Variants in LINGO2 observed in about 807,000 individuals in gnomAD.
The protein encoded by LINGO2 is leucine-rich repeat and immunoglobulin-like domain-containing nogo receptor-interacting protein 2.
A neutral mutation model predicts 30.6 loss-of-function variants in LINGO2; 14 were observed. That is an observed-to-expected ratio of 0.46 (90% CI 0.30 to 0.72). The LOEUF (loss-of-function observed/expected upper bound fraction) is 0.72, where lower values mean the gene tolerates loss of function less well. Among genes scored for constraint, LINGO2 ranks in the 30% least tolerant of loss-of-function variants. The probability of loss-of-function intolerance (pLI) is 0.07; values close to 1 mark genes in which losing one functional copy is unlikely to be tolerated. For missense variants in LINGO2, 729 were observed against 751.7 expected (o/e 0.97, Z 0.35); for synonymous variants, 317 against 288.5 (o/e 1.10, Z -1.00).
intron 4 of LINGO2, among the ~76,000 whole-genome samples, chr9:28,185,632 T>C (rs971317473): frequency 1.3e-5 from 2 of 152,148 alleles, no homozygotes; most frequent in African/African-American, 2.4e-5. Context: ...GAAACACAAT[T>C]GTAGAAATAG....
At chr9:28,558,329 A>G (rs1370716227) in intron 1 of LINGO2, among the ~76,000 whole-genome samples, 1 of 151,902 alleles carries the variant, frequency 6.6e-6, no homozygotes, top group Non-Finnish European at 1.5e-5. Flanking sequence ...CTCGGATGAA[A>G]CTTGGCTGCC....
chr9:28,274,080 T>A (rs945609566), intron 4 of LINGO2, among the ~76,000 whole-genome samples: 1 of 151,844 alleles, frequency 6.6e-6, no homozygotes, highest in Non-Finnish European at 1.5e-5. Context: ...TAAAATGGAG[T>A]TATAATTAAT....
At chr9:28,729,226 C>A in the LINGO2 span, among the ~76,000 whole-genome samples, 1 of 151,896 alleles carries the variant, frequency 6.6e-6, no homozygotes, top group Non-Finnish European at 1.5e-5. Flanking sequence ...AGAAGAAAGA[C>A]CAGAAAAAAA....
chr9:28,629,626 C>A (rs952985534), intron 1 of LINGO2, among the ~76,000 whole-genome samples: 1 of 151,994 alleles, frequency 6.6e-6, no homozygotes, highest in African/African-American at 2.4e-5. Context: ...GAGCCCACAT[C>A]TGAAAATACA....
At chr9:27,955,362 G>A (rs990361922) in intron 5 of LINGO2, among the ~76,000 whole-genome samples, 1 of 152,092 alleles carries the variant, frequency 6.6e-6, no homozygotes, top group African/African-American at 2.4e-5. Context: ...TTGATTTTAA[G>A]CATACAGCTC....
At chr9:28,726,298 T>C in the LINGO2 span, among the ~76,000 whole-genome samples, 3 of 152,146 alleles carry the variant, frequency 2.0e-5, no homozygotes, top group African/African-American at 7.2e-5. Flanking sequence ...AGTGTTAATA[T>C]AATCAAGAGG....
chr9:29,106,307 G>T, the LINGO2 span, among the ~76,000 whole-genome samples: 1 of 152,044 alleles, frequency 6.6e-6, no homozygotes, highest in African/African-American at 2.4e-5. Flanking sequence ...CATTTGGGGA[G>T]ACTCTTTTGT....
chr9:28,553,818 G>T (rs909184513), intron 1 of LINGO2, among the ~76,000 whole-genome samples: 2 of 152,074 alleles, frequency 1.3e-5, no homozygotes, highest in Admixed American at 6.6e-5. Flanking sequence ...AACCCTACAA[G>T]CCAGAAGAGA....
chr9:28,393,959 T>C (rs1205477310), intron 2 of LINGO2, among the ~76,000 whole-genome samples: 2 of 152,148 alleles, frequency 1.3e-5, no homozygotes, highest in Non-Finnish European at 2.9e-5. Flanking sequence ...TCAATCTCAG[T>C]TACTGAATGG....
intron 4 of LINGO2, among the ~76,000 whole-genome samples, chr9:28,020,489 A>T (rs1823057732): frequency 6.6e-6 from 1 of 152,132 alleles, no homozygotes; most frequent in African/African-American, 2.4e-5. Flanking sequence ...AGATCGCACT[A>T]CTGCACTCCA....
chr9:27,975,803 T>C (rs1232913951), intron 5 of LINGO2, among the ~76,000 whole-genome samples: 1 of 152,198 alleles, frequency 6.6e-6, no homozygotes, highest in African/African-American at 2.4e-5. Flanking sequence ...TCATTATAGG[T>C]GAAATCTGAC....
intron 5 of LINGO2, among the ~76,000 whole-genome samples, chr9:27,985,886 G>A (rs746489815): frequency 6.6e-6 from 1 of 151,782 alleles, no homozygotes; most frequent in Non-Finnish European, 1.5e-5. Context: ...AAATCAAACG[G>A]AACTTGTTAT....
the LINGO2 span, among the ~76,000 whole-genome samples, chr9:29,031,270 G>T: frequency 9.6e-4 from 136 of 140,948 alleles, no homozygotes; most frequent in African/African-American, 2.5e-3. Context: ...GGTGGTGGTG[G>T]TGATTTATTT....
At chr9:28,418,275 C>CTTTTTTTTTT (rs3064826) in intron 2 of LINGO2, among the ~76,000 whole-genome samples, 2 of 106,740 alleles carry the variant, frequency 1.9e-5, no homozygotes, top group Admixed American at 1.1e-4. Flanking sequence ...AGGCCATGTA[C>CTTTTTTTTTT]TTTTTTTTTT....
intron 1 of LINGO2, among the ~76,000 whole-genome samples, chr9:28,522,623 A>C (rs1381374687): frequency 2.0e-5 from 3 of 152,240 alleles, no homozygotes; most frequent in Non-Finnish European, 4.4e-5. Context: ...ATATGCAATC[A>C]AAATAAATAT....
At chr9:28,411,429 G>T (rs1170140177) in intron 2 of LINGO2, among the ~76,000 whole-genome samples, 1 of 151,984 alleles carries the variant, frequency 6.6e-6, no homozygotes, top group Non-Finnish European at 1.5e-5. Flanking sequence ...TCATATAGTT[G>T]TACAATCATC....
intron 1 of LINGO2, among the ~76,000 whole-genome samples, chr9:28,479,968 G>A (rs1825895187): frequency 1.5e-5 from 2 of 132,568 alleles, no homozygotes; most frequent in Admixed American, 1.6e-4. Flanking sequence ...TACATTTTGA[G>A]AGAAACTTAA....
At chr9:28,361,981 A>G (rs1820464798) in intron 3 of LINGO2, among the ~76,000 whole-genome samples, 1 of 152,234 alleles carries the variant, frequency 6.6e-6, no homozygotes, top group South Asian at 2.1e-4. Flanking sequence ...CCGCTGCACC[A>G]CATAGGCCAT....
intron 1 of LINGO2, among the ~76,000 whole-genome samples, chr9:28,641,057 G>C (rs181309380): frequency 7.2e-5 from 11 of 151,872 alleles, no homozygotes; most frequent in African/African-American, 2.7e-4. Flanking sequence ...TTGTTGAGAC[G>C]GAGTCTCACT....
Sources: allele counts gnomAD v4.1 joint callset (sites outside exome capture counted in the v4.1 genomes callset), GRCh38; gene constraint gnomAD v4.1.1; transcripts MANE v1.5; gene names NCBI Gene and HGNC (gene_info 2026-07-23, HGNC 2026-07-21).